CHODL: variants seen among roughly 807,000 people sequenced by gnomAD.
The protein encoded by CHODL is transmembrane protein MT75.
In CHODL, 29 loss-of-function variants were observed where a neutral mutation model predicts 34.5. The ratio of observed to expected loss-of-function variants is 0.84; its 90% CI spans 0.63 to 1.15. The LOEUF is 1.15. CHODL is among the 50% of genes most tolerant of loss of function. CHODL has a pLI of 0.00. For synonymous variants in CHODL, 125 were observed against 116.1 expected (o/e 1.08, Z -0.49); for missense variants, 332 against 332.5 (o/e 1.00, Z 0.01).
chr21:17,941,435 T>G (rs2146331141), intron 1 of CHODL, among the ~76,000 whole-genome samples: 1 of 150,106 alleles, frequency 6.7e-6, no homozygotes, highest in South Asian at 2.1e-4. Context: ...ATGCATAAAT[T>G]CAGGAGCTGG....
rs200804661 is a variant in CHODL, at chr21:17,917,883, GTGTGTGTA to G, written c.-145+491_-145+498del. ...TTGTCTCTCTCTGATATGCGTGTGT[GTGTGTGTA>G]TGTGTGTGTGTGTGTAGTTCTGCCG... is the stretch of plus-strand genomic sequence containing the variant. On this transcript the variant is annotated intron_variant, in intron 1 of 6. Transcript: ENST00000400127. 4.1e-4 allele frequency among the ~76,000 whole-genome samples: 62 copies of G among 152,072 alleles called. No individual in the cohort carries two copies. In the East Asian group the frequency reaches 9.1e-3, roughly 22 times the overall value.
intron 2 of CHODL, among the ~76,000 whole-genome samples, chr21:18,091,247 A>G (rs1318426200): frequency 6.6e-6 from 1 of 152,222 alleles, no homozygotes; most frequent in African/African-American, 2.4e-5. Flanking sequence ...GTGCTCTGGG[A>G]TCCCAGGTAA....
chr21:18,143,604 G>A (rs1016930716), intron 2 of CHODL, among the ~76,000 whole-genome samples: 2 of 152,048 alleles, frequency 1.3e-5, no homozygotes, highest in Non-Finnish European at 2.9e-5. Context: ...AACTCTATGA[G>A]TCTCACTTTT....
intron 5 of CHODL, among the ~76,000 whole-genome samples, chr21:18,264,847 G>A (rs1183143202): frequency 6.6e-6 from 1 of 151,980 alleles, no homozygotes; most frequent in African/African-American, 2.4e-5. Flanking sequence ...AACCACATTG[G>A]TTTCAGAGAC....
At chr21:18,205,165 A>C (rs1329594171) in intron 2 of CHODL, among the ~76,000 whole-genome samples, 3 of 152,214 alleles carry the variant, frequency 2.0e-5, no homozygotes, top group African/African-American at 4.8e-5. Flanking sequence ...GTGGTGTTCC[A>C]GATATTGGGG....
At chr21:18,003,926 T>G (rs149783) in intron 1 of CHODL, among the ~76,000 whole-genome samples, 63,171 of 152,010 alleles carry the variant, frequency 0.42, 15,988 homozygotes, top group African/African-American at 0.72. Flanking sequence ...TCTCATTATA[T>G]ATTACAGAGG....
At chr21:18,203,331 G>A (rs1057400352) in intron 2 of CHODL, among the ~76,000 whole-genome samples, 1 of 152,044 alleles carries the variant, frequency 6.6e-6, no homozygotes, top group African/African-American at 2.4e-5. Flanking sequence ...ATCAAGTTTT[G>A]AAAGAATTTC....
intron 2 of CHODL, among the ~76,000 whole-genome samples, chr21:18,099,670 C>T (rs557825705): frequency 5.1e-4 from 78 of 152,042 alleles, no homozygotes; most frequent in African/African-American, 1.6e-3. Flanking sequence ...TAAATTCTAA[C>T]GGAAAACAGT....
chr21:17,985,974 T>C (rs2063750465), intron 1 of CHODL, among the ~76,000 whole-genome samples: 1 of 152,054 alleles, frequency 6.6e-6, no homozygotes, highest in Admixed American at 6.6e-5. Context: ...GCACAAGCCC[T>C]CCCACTCATG....
chr21:17,932,859 G>A (rs1238196010), intron 1 of CHODL, among the ~76,000 whole-genome samples: 1 of 152,092 alleles, frequency 6.6e-6, no homozygotes. Flanking sequence ...GCATACGGAG[G>A]ATCCCGCTGG....
rs1388543269 is a variant in CHODL, at chr21:18,194,559, G to A, written c.-44-61950G>A. On this transcript the variant is annotated intron_variant, in intron 2 of 6. Transcript: ENST00000400127. Reference sequence around the variant, plus strand: ...ATCTCTTAAAGTCATTTATCAGAGAGCCCTTCCCTGAGCCTCAATTTAAAT... The same window carrying A: ...ATCTCTTAAAGTCATTTATCAGAGAACCCTTCCCTGAGCCTCAATTTAAAT... 6.0e-5 allele frequency among the ~76,000 whole-genome samples: 9 copies of A among 150,562 alleles called. No individual in the cohort carries two copies. In the East Asian group the frequency reaches 1.7e-3, roughly 29 times the overall value.
Position 17,988,862 on chromosome 21 carries a change from T to C in CHODL, c.-144-39010T>C, listed in dbSNP as rs1434255449. On this transcript the variant is annotated intron_variant, in intron 1 of 6. Coordinates refer to the CHODL transcript ENST00000400127. ...TGAATAATGCCGCAATAAACATACATGTGCATGTGTCTTTATAGCAGCATG... is the reference window on the plus strand; with the variant it reads ...TGAATAATGCCGCAATAAACATACACGTGCATGTGTCTTTATAGCAGCATG... 2.0e-5 allele frequency among the ~76,000 whole-genome samples: 3 copies of C among 152,134 alleles called. No homozygotes were observed. In the East Asian group the frequency reaches 5.8e-4, roughly 30 times the overall value.
At chr21:17,992,293 G>A (rs1020824276) in intron 1 of CHODL, among the ~76,000 whole-genome samples, 1 of 151,884 alleles carries the variant, frequency 6.6e-6, no homozygotes, top group Admixed American at 6.6e-5. Context: ...GTATTGCTTT[G>A]GCTATTTGGC....
At chr21:18,217,451 G>T (rs1399598997) in intron 2 of CHODL, among the ~76,000 whole-genome samples, 3 of 152,046 alleles carry the variant, frequency 2.0e-5, no homozygotes, top group Non-Finnish European at 4.4e-5. Context: ...GATCTCAGGA[G>T]AACTCACTTA....
intron 2 of CHODL, among the ~76,000 whole-genome samples, chr21:18,138,145 CTGACT>C (rs893173127): frequency 6.8e-6 from 1 of 145,994 alleles, no homozygotes; most frequent in Non-Finnish European, 1.5e-5. Flanking sequence ...AACTTATATC[CTGACT>C]TATCTTTTTT....
chr21:18,211,141 TACACACAC>T (rs3077936), intron 2 of CHODL, among the ~76,000 whole-genome samples: 62 of 148,788 alleles, frequency 4.2e-4, no homozygotes, highest in Admixed American at 7.4e-4. Flanking sequence ...TACACATGGA[TACACACAC>T]ACACACACAC....
At chr21:18,247,280 A>T (rs566042315) in intron 1 of CHODL, among the ~76,000 whole-genome samples, 6 of 152,234 alleles carry the variant, frequency 3.9e-5, no homozygotes, top group African/African-American at 1.4e-4. Context: ...ATTGAAGAGT[A>T]AGAGCCTCTT....
chr21:18,139,703 CAAGCTAAATAGCTAA>C (rs1404692246), intron 2 of CHODL, among the ~76,000 whole-genome samples: 2 of 152,158 alleles, frequency 1.3e-5, no homozygotes, highest in African/African-American at 4.8e-5. Flanking sequence ...GTAATGGCAA[CAAGCTAAATAGCTAA>C]AATCACCCAC....
intron 2 of CHODL, among the ~76,000 whole-genome samples, chr21:18,087,519 G>A (rs898153564): frequency 6.6e-6 from 1 of 152,172 alleles, no homozygotes; most frequent in Non-Finnish European, 1.5e-5. Context: ...GCAGCCCATT[G>A]CAGGGCAGTG....
Sources: allele counts gnomAD v4.1 joint callset (sites outside exome capture counted in the v4.1 genomes callset), GRCh38; gene constraint gnomAD v4.1.1; transcripts MANE v1.5; gene names NCBI Gene and HGNC (gene_info 2026-07-23, HGNC 2026-07-21).